ABCB9: variants seen among roughly 807,000 people sequenced by gnomAD.
The protein encoded by ABCB9 is ATP binding cassette subfamily B member 9.
Under a neutral mutation model 62.0 loss-of-function variants are expected in ABCB9, and 36 were observed. The observed-to-expected ratio is 0.58, with a 90% CI of 0.45 to 0.77. The LOEUF is 0.77. Among genes scored for constraint, ABCB9 ranks in the 30% least tolerant of loss-of-function variants. ABCB9 has a pLI of 0.00. For missense variants in ABCB9, 943 were observed against 1,054.7 expected (o/e 0.89, Z 1.47); for synonymous variants, 435 against 461.4 (o/e 0.94, Z 0.73).
chr12:122,923,510 C>T (rs1052484283), intron 11 of ABCB9, among the ~76,000 whole-genome samples: 2 of 152,022 alleles, frequency 1.3e-5, no homozygotes, highest in East Asian at 1.9e-4. Context: ...AGGATGGTCT[C>T]CATCTCCTGA....
intron 2 of ABCB9, chr12:122,952,331 T>A (rs1280575562): frequency 6.6e-6 from 1 of 152,246 alleles, no homozygotes; most frequent in African/African-American, 2.4e-5. Flanking sequence ...CCAGGACCTG[T>A]TTCCACTGAA....
downstream of ABCB9, chr12:122,920,828 A>C: frequency 1.9e-6 from 1 of 525,326 alleles, no homozygotes; most frequent in Non-Finnish European, 3.4e-6. Context: ...TGGGAGGCTC[A>C]CTGGAGTCTG....
chr12:122,946,085 C>T lies in ABCB9; in HGVS notation c.1191G>A (p.Gln397=), dbSNP rs749451919. The T allele has an allele frequency of 8.1e-6, 13 of 1,614,030 alleles. No homozygotes were observed. The East Asian group carries it at 2.7e-4, about 33-fold the overall frequency. ...EAEVYLRKLQ[Q]VYKLNRKEAA... is the part of the protein sequence containing the mutation. ...CCTCCTTCCTGTTCAGCTTGTACAC[C>T]TGCTGCAGCTTCCGCAGGTACACCT... The change falls in exon 6 of 12, where the codon CAG becomes CAA. Residue 397 remains glutamine, a synonymous_variant. Coordinates refer to ENST00000280560, the MANE Select transcript of ABCB9 (RefSeq NM_019625.4).
Position 122,940,266 on chromosome 12 carries a change from A to T in ABCB9, c.1588T>A (p.Ser530Thr). The change falls in exon 9 of 12, where the codon TCC (serine) becomes ACC (threonine). Residue 530 changes from serine to threonine, a missense_variant. Coordinates refer to ENST00000280560, the MANE Select transcript of ABCB9 (RefSeq NM_019625.4). The surrounding 1 kb of genome is among the most constrained non-coding windows in gnomAD (Gnocchi z 4.8). ...QVLQNVSFSLSPGKVTALVGP... is the reference protein window; with the variant it reads ...QVLQNVSFSLTPGKVTALVGP... ...ACCAGGGCCGTCACCTTGCCGGGGG[A>T]CAGGCTGAAGGAGACATTCTGCAAA... 1 of 1,603,258 alleles carries T rather than the reference A, an allele frequency of 6.2e-7. No individual in the cohort carries two copies. The highest frequency in any genetic ancestry group is 8.5e-7 in the Non-Finnish European group (1 of 1,173,942).
intron 1 of ABCB9, among the ~76,000 whole-genome samples, chr12:122,973,607 A>C (rs1366136120): frequency 3.4e-5 from 5 of 145,328 alleles, no homozygotes; most frequent in Non-Finnish European, 6.0e-5. Flanking sequence ...AAAAAAAAAA[A>C]AACAAAAACT....
In ABCB9 at chr12:122,930,832, G is replaced by GT. The variant is rs765847856; in HGVS notation, c.2041-662dup. The stretch of plus-strand genomic sequence containing the variant: ...GTGCCTGGTGCCTGAGAAGAGCTCA[G>GT]TAACTCTCTGTGTAACAAATGAATC... On this transcript the variant is annotated intron_variant, in intron 11 of 11. Coordinates refer to ENST00000280560, the MANE Select transcript of ABCB9 (RefSeq NM_019625.4). The surrounding 1 kb of genome is among the most constrained non-coding windows in gnomAD (Gnocchi z 4.9). Among the ~76,000 whole-genome samples the GT allele has an allele frequency of 2.6e-5, 4 of 152,124 alleles. No homozygotes were observed. The highest frequency in any genetic ancestry group is 5.9e-5 in the Non-Finnish European group (4 of 68,038).
downstream of ABCB9, among the ~76,000 whole-genome samples, chr12:122,927,844 A>G (rs2034949439): frequency 6.6e-6 from 1 of 152,250 alleles, no homozygotes; most frequent in Admixed American, 6.5e-5. Flanking sequence ...ATTTGAGCCA[A>G]TACATAAAAA....
chr12:122,941,873 A>T (rs1177688310), intron 7 of ABCB9, among the ~76,000 whole-genome samples: 1 of 151,846 alleles, frequency 6.6e-6, no homozygotes, highest in Non-Finnish European at 1.5e-5. Flanking sequence ...CACAGGCATG[A>T]GCCACTACTA....
chr12:122,967,306 C>T (rs150251262), upstream of ABCB9, among the ~76,000 whole-genome samples: 15 of 152,282 alleles, frequency 9.9e-5, no homozygotes, highest in East Asian at 1.7e-3. Flanking sequence ...GCGTGAGCCA[C>T]GGGGAGGGAG....
In ABCB9 at chr12:122,930,163, C is replaced by T. The variant is rs974283214; in HGVS notation, c.2049G>A (p.Gln683=). 8 of 1,546,304 alleles carry T rather than the reference C, an allele frequency of 5.2e-6. No individual in the cohort carries two copies. The South Asian group carries it at 9.5e-5, about 18-fold the overall frequency. ...LDAESEYLIQ[Q]AIHGNLQKHT... is the part of the protein sequence containing the mutation. The stretch of plus-strand genomic sequence containing the variant: ...GCTTCTGCAGGTTGCCATGGATGGC[C>T]TGCTGGATCTGCGGGGACAGTGGGG... The change falls in exon 12 of 12, where the codon CAG becomes CAA. Residue 683 remains glutamine (Q), a synonymous_variant. Coordinates refer to ENST00000280560, the MANE Select transcript of ABCB9 (RefSeq NM_019625.4). This position sits in a 1 kb window ranked among gnomAD's most constrained non-coding sequence, Gnocchi z 4.9.
rs758377796 is a variant in ABCB9, at chr12:122,940,804, C to A, written c.1569+3G>T. ...TCTGGCAGGCCTCAAGCCGCGCCCT[C>A]ACCTGCAGGACCTGGGTGTGGGGCC... On this transcript the variant is annotated splice_donor_region_variant and intron_variant, in intron 8 of 11. Coordinates refer to ENST00000280560, the MANE Select transcript of ABCB9 (RefSeq NM_019625.4). This position sits in a 1 kb window ranked among gnomAD's most constrained non-coding sequence, Gnocchi z 4.8. 6.3e-7 allele frequency: 1 copy of A among 1,578,148 alleles called. No individual in the cohort carries two copies. Among genetic ancestry groups the A allele is most frequent in the Non-Finnish European group, 8.7e-7 (1 of 1,154,968 alleles).
chr12:122,919,953 C>A (rs2034710516), downstream of ABCB9, among the ~76,000 whole-genome samples: 1 of 151,414 alleles, frequency 6.6e-6, no homozygotes, highest in Non-Finnish European at 1.5e-5. Context: ...GTCGTCCAGG[C>A]TGGAGTTCAG....
rs2036195999 is a variant in ABCB9, at chr12:122,948,833, GA to G, written c.848-5del. On this transcript the variant is annotated splice_region_variant and splice_polypyrimidine_tract_variant and intron_variant, in intron 4 of 11. Transcript: ENST00000280560. The stretch of plus-strand genomic sequence containing the variant: ...GTCAGGCGGGAGATGAGGTCCCCTG[GA>G]ACACACGCGGCTCAGCTCTCACCAC... 2 of 1,546,752 alleles carry G rather than the reference GA, an allele frequency of 1.3e-6. No individual in the cohort carries two copies. Among genetic ancestry groups the G allele is most frequent in the Non-Finnish European group, 1.7e-6 (2 of 1,147,196 alleles).
chr12:122,954,617 T>C (rs2036536234), intron 2 of ABCB9, among the ~76,000 whole-genome samples: 1 of 152,076 alleles, frequency 6.6e-6, no homozygotes, highest in South Asian at 2.1e-4. Context: ...CTCAGCCTTC[T>C]GAGCAGCTGG....
intron 7 of ABCB9, among the ~76,000 whole-genome samples, chr12:122,943,002 A>C (rs1374561601): frequency 6.6e-6 from 1 of 152,118 alleles, no homozygotes; most frequent in Admixed American, 6.5e-5. Context: ...AACATCCTTG[A>C]GCCTTTGTCA....
chr12:122,925,463 G>A (rs1341409132), downstream of ABCB9, among the ~76,000 whole-genome samples: 1 of 152,084 alleles, frequency 6.6e-6, no homozygotes, highest in Non-Finnish European at 1.5e-5. Flanking sequence ...AAACATGAAT[G>A]TTGGGCCGGG....
Position 122,940,816 on chromosome 12 carries a change from C to T in ABCB9, c.1560G>A (p.Gln520=). The change falls in exon 8 of 12, where the codon CAG becomes CAA. Residue 520 remains glutamine (Q), a synonymous_variant. Transcript: ENST00000280560. The surrounding 1 kb of genome is among the most constrained non-coding windows in gnomAD (Gnocchi z 4.8). Reference sequence around the variant, plus strand: ...CAAGCCGCGCCCTCACCTGCAGGACCTGGGTGTGGGGCCGAGTGCGGTAGG... The same window carrying T: ...CAAGCCGCGCCCTCACCTGCAGGACTTGGGTGTGGGGCCGAGTGCGGTAGG... ...TFTYRTRPHT[Q]VLQNVSFSLS... The T allele has an allele frequency of 6.3e-7, 1 of 1,590,532 alleles. No individual in the cohort carries two copies. The highest frequency in any genetic ancestry group is 8.6e-7 in the Non-Finnish European group (1 of 1,163,102).
At chr12:122,973,600 AAAAAAAAAAC>A in intron 1 of ABCB9, among the ~76,000 whole-genome samples, 1 of 144,262 alleles carries the variant, frequency 6.9e-6, no homozygotes, top group Non-Finnish European at 1.5e-5. Context: ...AAAAAAAAAA[AAAAAAAAAAC>A]AAAAACTTTG....
At chr12:122,937,235 T>C (rs1375820296) in intron 9 of ABCB9, among the ~76,000 whole-genome samples, 1 of 151,918 alleles carries the variant, frequency 6.6e-6, no homozygotes, top group Non-Finnish European at 1.5e-5. Context: ...GGTATGTGCC[T>C]GTAGTCCCAG....
Sources: gnomAD v4.1 joint callset for allele counts (sites outside exome capture counted in the v4.1 genomes callset) on GRCh38, gnomAD v4.1.1 for gene constraint, Gnocchi (gnomAD v3.1) non-coding constraint, MANE v1.5 for transcripts, NCBI Gene and HGNC (gene_info 2026-07-23, HGNC 2026-07-21) for gene names.